ARHGAP26: variants seen among roughly 807,000 people sequenced by gnomAD.
The protein encoded by ARHGAP26 is rho GTPase-activating protein 26.
A neutral mutation model predicts 104.8 loss-of-function variants in ARHGAP26; 38 were observed. That is an observed-to-expected ratio of 0.36 (90% CI 0.28 to 0.48). The LOEUF is 0.48. Among genes scored for constraint, ARHGAP26 ranks in the 20% least tolerant of loss-of-function variants. The probability of loss-of-function intolerance (pLI) is 0.99; values close to 1 mark genes in which losing one functional copy is unlikely to be tolerated. For missense variants in ARHGAP26, 704 were observed against 947.9 expected, an observed-to-expected ratio of 0.74 and a Z score of 3.38; for synonymous variants, 341 against 340.0, an observed-to-expected ratio of 1.00 and a Z score of -0.03.
At chr5:142,939,498 G>A (rs991192299) in intron 11 of ARHGAP26, among the ~76,000 whole-genome samples, 15 of 152,248 alleles carry the variant, frequency 9.9e-5, no homozygotes, top group Non-Finnish European at 1.9e-4. Flanking sequence ...TACCGTGCCC[G>A]AGCTCTAACC....
At chr5:143,049,899 T>C (rs967024331) in intron 14 of ARHGAP26, among the ~76,000 whole-genome samples, 105 of 152,356 alleles carry the variant, frequency 6.9e-4, no homozygotes, top group African/African-American at 2.4e-3. Context: ...ATGTTTCTTC[T>C]ACGGCTCTCC....
At chr5:143,202,383 A>T (rs192885428) in intron 20 of ARHGAP26, 1 of 152,116 alleles carries the variant, frequency 6.6e-6, no homozygotes, top group East Asian at 1.9e-4. Flanking sequence ...CTTCAAGGAA[A>T]ACTACAGACC....
chr5:143,083,793 C>A (rs1289676024), intron 17 of ARHGAP26, among the ~76,000 whole-genome samples: 1 of 152,190 alleles, frequency 6.6e-6, no homozygotes, highest in African/African-American at 2.4e-5. Flanking sequence ...GCCACTGCAC[C>A]CAGCTGCTTT....
chr5:143,154,799 C>A (rs865911548), intron 20 of ARHGAP26, among the ~76,000 whole-genome samples: 3 of 152,110 alleles, frequency 2.0e-5, no homozygotes, highest in African/African-American at 7.2e-5. Flanking sequence ...TTTATTGAGA[C>A]CAAATGAATG....
chr5:142,798,473 G>T (rs1311684113), intron 1 of ARHGAP26, among the ~76,000 whole-genome samples: 3 of 152,160 alleles, frequency 2.0e-5, no homozygotes, highest in Non-Finnish European at 2.9e-5. Flanking sequence ...TGTATAGCTG[G>T]GACCAGCATC....
At chr5:142,772,662 T>C in intron 1 of ARHGAP26, 1 of 489,292 alleles carries the variant, frequency 2.0e-6, no homozygotes, top group Non-Finnish European at 4.2e-6. Flanking sequence ...AAGCATTACC[T>C]CTGAGTCACA....
chr5:142,888,989 T>C (rs1424349360), intron 5 of ARHGAP26, among the ~76,000 whole-genome samples: 2 of 152,218 alleles, frequency 1.3e-5, no homozygotes, highest in African/African-American at 4.8e-5. Context: ...GTTGGGATCC[T>C]GGCTTATAAT....
chr5:143,041,034 G>A (rs1029888060), intron 13 of ARHGAP26, among the ~76,000 whole-genome samples: 1 of 152,186 alleles, frequency 6.6e-6, no homozygotes, highest in African/African-American at 2.4e-5. Flanking sequence ...AATAAAATAG[G>A]AAGCTGGAGC....
At chr5:143,017,300 G>A (rs1447567331) in intron 12 of ARHGAP26, among the ~76,000 whole-genome samples, 3 of 152,220 alleles carry the variant, frequency 2.0e-5, no homozygotes, top group Non-Finnish European at 2.9e-5. Flanking sequence ...GTATAAGACA[G>A]GGCCATAAGT....
At chr5:142,939,229 C>T (rs1247632364) in intron 11 of ARHGAP26, among the ~76,000 whole-genome samples, 1 of 152,036 alleles carries the variant, frequency 6.6e-6, no homozygotes, top group African/African-American at 2.4e-5. Flanking sequence ...GCTATTTTTG[C>T]GCAACACACA....
intron 20 of ARHGAP26, among the ~76,000 whole-genome samples, chr5:143,186,841 G>A (rs1805220502): frequency 6.6e-6 from 1 of 152,208 alleles, no homozygotes; most frequent in Admixed American, 6.5e-5. Flanking sequence ...AACCTGAGAT[G>A]TAGTACTTTT....
intron 17 of ARHGAP26, among the ~76,000 whole-genome samples, chr5:143,063,546 T>C (rs984369953): frequency 5.3e-5 from 8 of 152,378 alleles, no homozygotes; most frequent in Non-Finnish European, 4.4e-5. Flanking sequence ...TTTCATCTTG[T>C]GTCTGTTTCT....
chr5:142,789,334 A>G (rs562658706), intron 1 of ARHGAP26, among the ~76,000 whole-genome samples: 1 of 152,342 alleles, frequency 6.6e-6, no homozygotes, highest in South Asian at 2.1e-4. Context: ...GTGGAGATAA[A>G]TCTTCATAAT....
chr5:143,077,943 C>T (rs907047168), intron 17 of ARHGAP26, among the ~76,000 whole-genome samples: 3 of 152,092 alleles, frequency 2.0e-5, no homozygotes, highest in African/African-American at 7.2e-5. Context: ...CTCCTTAAGC[C>T]CCTGATTGCC....
chr5:143,070,270 T>C (rs2150371563), intron 17 of ARHGAP26, among the ~76,000 whole-genome samples: 1 of 152,370 alleles, frequency 6.6e-6, no homozygotes, highest in East Asian at 1.9e-4. Context: ...TACCTAGTTA[T>C]GAGCTTCCCT....
chr5:142,981,277 C>T (rs943292502), intron 11 of ARHGAP26, among the ~76,000 whole-genome samples: 3 of 152,126 alleles, frequency 2.0e-5, no homozygotes, highest in South Asian at 2.1e-4. Context: ...TTTCCTAAAC[C>T]GTAAAATGGG....
At chr5:142,998,316 A>G (rs1040774186) in intron 11 of ARHGAP26, among the ~76,000 whole-genome samples, 9 of 152,194 alleles carry the variant, frequency 5.9e-5, no homozygotes, top group African/African-American at 2.2e-4. Context: ...AGAGGTGGAC[A>G]TTTAAAGGAC....
chr5:142,790,629 T>C (rs1418426118), intron 1 of ARHGAP26, among the ~76,000 whole-genome samples: 1 of 152,246 alleles, frequency 6.6e-6, no homozygotes, highest in Non-Finnish European at 1.5e-5. Flanking sequence ...GGCGTCTGCC[T>C]ACCTTGCCTA....
At chr5:142,773,107 A>G (rs542903987) in intron 1 of ARHGAP26, among the ~76,000 whole-genome samples, 3 of 152,226 alleles carry the variant, frequency 2.0e-5, no homozygotes, top group Non-Finnish European at 2.9e-5. Flanking sequence ...TAGAGGGTGG[A>G]GTCAACCATT....
Sources: gnomAD v4.1 joint callset for allele counts (sites outside exome capture counted in the v4.1 genomes callset) on GRCh38, gnomAD v4.1.1 for gene constraint, MANE v1.5 for transcripts, NCBI Gene and HGNC (gene_info 2026-07-23, HGNC 2026-07-21) for gene names.